The following TEK variants were observed in gnomAD, a reference collection of about 807,000 sequenced individuals.
TEK encodes angiopoietin-1 receptor.
TEK carries 43 observed loss-of-function variants against 131.8 expected under a neutral mutation model. The ratio of observed to expected loss-of-function variants is 0.33; its 90% CI spans 0.26 to 0.42. The LOEUF (loss-of-function observed/expected upper bound fraction) is 0.42, where lower values mean the gene tolerates loss of function less well. TEK is among the 10% of genes least tolerant of loss of function. The pLI, the probability that TEK is intolerant of heterozygous loss-of-function variation, is 1.00. For missense variants in TEK, 1,162 were observed against 1,384.4 expected (o/e 0.84, Z 2.55); for synonymous variants, 580 against 491.6 (o/e 1.18, Z -2.38).
chr9:27,138,573 C>G (rs7023922), intron 1 of TEK, among the ~76,000 whole-genome samples: 2,910 of 152,302 alleles, frequency 0.019, 102 homozygotes, highest in African/African-American at 0.066. Flanking sequence ...GGCTTCACCT[C>G]TCACTTTTAA....
chr9:27,173,203 T>C lies in TEK; in HGVS notation c.761-19T>C. ...GTTGCATATTTGACTCTGAATCATCTTTTCTTTTCCTCCCAAAGCTTGTGA... is the reference window on the plus strand; with the variant it reads ...GTTGCATATTTGACTCTGAATCATCCTTTCTTTTCCTCCCAAAGCTTGTGA... On this transcript the variant is annotated intron_variant, in intron 5 of 22. Coordinates refer to ENST00000380036, the MANE Select transcript of TEK (RefSeq NM_000459.5). 1 of 1,613,902 alleles carries C rather than the reference T, an allele frequency of 6.2e-7. No individual in the cohort carries two copies. The highest frequency in any genetic ancestry group is 8.5e-7 in the Non-Finnish European group (1 of 1,179,858).
chr9:27,212,809 A>G lies in TEK; in HGVS notation c.2789A>G (p.Asn930Ser). Residue 930 changes from asparagine to serine, a missense_variant, in exon 17 of 23, where the codon AAT (asparagine) becomes AGT (serine). Transcript: ENST00000380036. The part of the protein sequence containing the change: ...LETDPAFAIA[N>S]STASTLSSQQ... ...ACGGACCCAGCATTTGCCATTGCCA[A>G]TAGCACCGCGTCCACACTGTCCTCC... 1 of 1,614,066 alleles carries G rather than the reference A, an allele frequency of 6.2e-7. No individual in the cohort carries two copies. The highest frequency in any genetic ancestry group is 1.1e-5 in the South Asian group (1 of 91,084).
chr9:27,198,595 C>T (rs1262557787), intron 12 of TEK, among the ~76,000 whole-genome samples: 3 of 152,172 alleles, frequency 2.0e-5, no homozygotes, highest in African/African-American at 7.2e-5. Context: ...AGTAACACAA[C>T]GAACAATCAC....
intron 1 of TEK, among the ~76,000 whole-genome samples, chr9:27,128,918 T>C (rs902474961): frequency 2.6e-5 from 4 of 152,230 alleles, no homozygotes; most frequent in African/African-American, 4.8e-5. Context: ...TCATTTCATC[T>C]GCAAACAGAC....
At chr9:27,115,522 C>T (rs148019629) in intron 1 of TEK, among the ~76,000 whole-genome samples, 12 of 151,764 alleles carry the variant, frequency 7.9e-5, no homozygotes, top group East Asian at 3.9e-4. Context: ...AACAAACAAA[C>T]GAAACTAAAT....
intron 21 of TEK, among the ~76,000 whole-genome samples, chr9:27,222,434 GA>G (rs1190249935): frequency 6.6e-6 from 1 of 152,066 alleles, no homozygotes. Context: ...AGGTTGAAAT[GA>G]AAGAAAAAAT....
intron 1 of TEK, among the ~76,000 whole-genome samples, chr9:27,129,832 C>A (rs981169889): frequency 2.0e-5 from 3 of 152,156 alleles, no homozygotes; most frequent in Admixed American, 6.5e-5. Flanking sequence ...TCTGGCCACA[C>A]TGGATATTCA....
chr9:27,160,037 T>C (rs1203179428), intron 2 of TEK, among the ~76,000 whole-genome samples: 4 of 107,102 alleles, frequency 3.7e-5, no homozygotes, highest in African/African-American at 1.8e-4. Context: ...TTTTTTTTTT[T>C]TTTAAAGACA....
intron 2 of TEK, among the ~76,000 whole-genome samples, chr9:27,164,512 A>G (rs1823657874): frequency 6.6e-6 from 1 of 151,728 alleles, no homozygotes; most frequent in Non-Finnish European, 1.5e-5. Context: ...GTAGAGATGG[A>G]GTTTCAATGT....
In TEK at chr9:27,212,713, T is replaced by C; in HGVS notation, c.2693T>C (p.Leu898Ser). 6.2e-7 allele frequency: 1 copy of C among 1,614,134 alleles called. No homozygotes were observed. The highest frequency in any genetic ancestry group is 8.5e-7 in the Non-Finnish European group (1 of 1,180,012). Residue 898 changes from leucine to serine, a missense_variant, in exon 17 of 23, where the codon TTG (leucine) becomes TCG (serine). Physicochemically the swap from Leu to Ser is moderately radical, Grantham distance 145. Transcript: ENST00000380036. Reference sequence around the variant, plus strand: ...CTCTCTTCCTTCCCTCCAGGCTACTTGTACCTGGCCATTGAGTACGCGCCC... The same window carrying C: ...CTCTCTTCCTTCCCTCCAGGCTACTCGTACCTGGCCATTGAGTACGCGCCC... ...LLGACEHRGY[L>S]YLAIEYAPHG... is the part of the protein sequence containing the mutation.
Position 27,204,772 on chromosome 9 carries a change from C to T in TEK, c.2210-139C>T, listed in dbSNP as rs553233335. 305 of 1,056,194 alleles carry T rather than the reference C, an allele frequency of 2.9e-4. 2 individuals are homozygous for T. The highest frequency in any genetic ancestry group is 2.5e-3 in the South Asian group (194 of 78,844). The allele number at this position is 1,056,194 out of a possible 1,614,324, so 65.4% of individuals were successfully genotyped here. On this transcript the variant is annotated intron_variant, in intron 13 of 22. Transcript: ENST00000380036. ...GAGTTTGGAATATAAATGAGTAGCCCGAGGTCATATAGTGGTTAGGTGGCA... is the reference window on the plus strand; with the variant it reads ...GAGTTTGGAATATAAATGAGTAGCCTGAGGTCATATAGTGGTTAGGTGGCA...
At position 27,173,280 on chromosome 9, in the gene TEK, A is replaced by T; in HGVS notation, c.819A>T (p.Gly273=). 6.2e-7 allele frequency: 1 copy of T among 1,614,098 alleles called. No individual in the cohort carries two copies. The highest frequency in any genetic ancestry group is 8.5e-7 in the Non-Finnish European group (1 of 1,179,960). Residue 273 remains glycine (G), a synonymous_variant, in exon 6 of 23, where the codon GGA becomes GGT. Transcript: ENST00000380036. ...TCKERCSGQE[G]CKSYVFCLPD... ...AAGAAAGGTGCAGTGGACAAGAGGG[A>T]TGCAAGTCTTATGTGTTCTGTCTCC...
chr9:27,164,072 G>A (rs932858358), intron 2 of TEK, among the ~76,000 whole-genome samples: 1 of 152,132 alleles, frequency 6.6e-6, no homozygotes, highest in African/African-American at 2.4e-5. Context: ...AGCCTTCTGA[G>A]TGCTAACATT....
chr9:27,141,820 GT>G, intron 1 of TEK, among the ~76,000 whole-genome samples: 1 of 152,308 alleles, frequency 6.6e-6, no homozygotes, highest in African/African-American at 2.4e-5. Flanking sequence ...ACATTGGTGT[GT>G]TTTAAAATCC....
At chr9:27,145,887 T>G (rs1822899436) in intron 1 of TEK, among the ~76,000 whole-genome samples, 1 of 152,182 alleles carries the variant, frequency 6.6e-6, no homozygotes, top group African/African-American at 2.4e-5. Context: ...TAAATAAAAA[T>G]CTTTATTTTA....
intron 18 of TEK, 127 bp downstream of exon 18, chr9:27,213,724 T>C: frequency 2.7e-6 from 2 of 731,288 alleles, no homozygotes; most frequent in South Asian, 2.9e-5. Flanking sequence ...CAGTAGATAC[T>C]GTGTGCCCTG....
chr9:27,122,368 C>G (rs1821825313), intron 1 of TEK, among the ~76,000 whole-genome samples: 1 of 152,060 alleles, frequency 6.6e-6, no homozygotes, highest in Non-Finnish European at 1.5e-5. Context: ...TATGGAAGAT[C>G]AGGAGTGGAA....
intron 1 of TEK, among the ~76,000 whole-genome samples, chr9:27,149,835 G>A (rs1274269540): frequency 6.6e-6 from 1 of 152,144 alleles, no homozygotes; most frequent in Non-Finnish European, 1.5e-5. Flanking sequence ...ATCAGGAGAA[G>A]AGCCCAGAAA....
intron 1 of TEK, among the ~76,000 whole-genome samples, chr9:27,153,465 AT>A (rs576692807): frequency 5.9e-5 from 9 of 152,350 alleles, no homozygotes; most frequent in East Asian, 5.8e-4. Flanking sequence ...AAGAAAAAGT[AT>A]TTGAGAGATC....
Sources: allele counts gnomAD v4.1 joint callset (sites outside exome capture counted in the v4.1 genomes callset), GRCh38; gene constraint gnomAD v4.1.1; transcripts MANE v1.5; gene names NCBI Gene and HGNC (gene_info 2026-07-23, HGNC 2026-07-21).